MUC21: variants seen among roughly 807,000 people sequenced by gnomAD.
MUC21 encodes mucin 21, cell surface associated.
In MUC21, 8 loss-of-function variants were observed where a neutral mutation model predicts 9.1. The ratio of observed to expected loss-of-function variants is 0.88; its 90% CI spans 0.52 to 1.59. MUC21 has a LOEUF of 1.59. Ranked by LOEUF, MUC21 falls within the 40% of genes most tolerant of loss-of-function variation. The pLI, the probability that MUC21 is intolerant of heterozygous loss-of-function variation, is 0.00. For synonymous variants in MUC21, 189 were observed against 275.2 expected (o/e 0.69, Z 3.10); for missense variants, 478 against 694.2 (o/e 0.69, Z 3.50).
rs143061416 is a variant in MUC21, at chr6:30,986,862, G to C, written c.687G>C (p.Glu229Asp). ...GGGCTGGCACAGCCACCAACTCTGA[G>C]TCCAGCACGACCTCCAGTGGGGCCA... Reference protein sequence around the residue: ...SNGAGTATNSESSTTSSGAST... With the variant: ...SNGAGTATNSDSSTTSSGAST... The change falls in exon 2 of 3, where the codon GAG (glutamate) becomes GAC (aspartate). Residue 229 changes from glutamate to aspartate, a missense_variant. Glu to Asp is a conservative substitution (Grantham distance 45). Around this residue, in one of 5 missense-constraint regions of MUC21, gnomAD observed 155 missense variants for 235.2 expected, o/e 0.66. Coordinates refer to ENST00000376296, the MANE Select transcript of MUC21 (RefSeq NM_001010909.5). 226 of 1,576,882 alleles carry C rather than the reference G, an allele frequency of 1.4e-4. No individual in the cohort carries two copies. The African/African-American group carries it at 2.0e-3, about 14-fold the overall frequency.
Position 30,988,152 on chromosome 6 carries a change from C to A in MUC21, c.1659C>A (p.Ser553=), listed in dbSNP as rs2517416. The change falls in exon 3 of 3, where the codon TCC becomes TCA. Residue 553 remains serine (S), a synonymous_variant. Coordinates refer to ENST00000376296, the MANE Select transcript of MUC21 (RefSeq NM_001010909.5). ...SPNWFWRRPV[S]SIAMEMSGRN... ...ACTGGTTCTGGAGGAGACCAGTATC[C>A]TCGATAGCCATGGAGATGAGCGGGA... The A allele has an allele frequency of 0.14, 222,378 of 1,612,466 alleles. 16,160 individuals are homozygous for A. The highest frequency in any genetic ancestry group is 0.19 in the Admixed American group (11,259 of 59,972).
At position 30,989,129 on chromosome 6, in the gene MUC21, T is replaced by C. The variant is rs993954249; in HGVS notation, c.*935T>C. On this transcript the variant is annotated 3_prime_UTR_variant, in exon 3 of 3. Transcript: ENST00000376296. The stretch of plus-strand genomic sequence containing the variant: ...AGCCCACAAGGTAATGGAGGGCTCC[T>C]ACTTGGGACAGAGCCCTCAGCAGAG... 1 of 152,226 alleles carries C rather than the reference T, an allele frequency of 6.6e-6. No individual in the cohort carries two copies. Among genetic ancestry groups the C allele is most frequent in the Admixed American group, 6.5e-5 (1 of 15,286 alleles). 9.4% of individuals were successfully genotyped at this position (152,226 alleles called of 1,614,324 possible).
Position 30,988,024 on chromosome 6 carries a change from A to G in MUC21, c.1531A>G (p.Thr511Ala), listed in dbSNP as rs751951694. The change falls in exon 3 of 3, where the codon ACC becomes GCC. Residue 511 changes from threonine (T) to alanine (A), a missense_variant. Transcript: ENST00000376296. ...GAGAAACAGCCTGTCCCTGAGAAAC[A>G]CCTTTAACACAGCTGTCTACCACCC... Reference protein sequence around the residue: ...CVRNSLSLRNTFNTAVYHPHG... With the variant: ...CVRNSLSLRNAFNTAVYHPHG... The G allele has an allele frequency of 4.6e-6, 6 of 1,293,196 alleles. No individual in the cohort carries two copies. In the Admixed American group the frequency reaches 5.0e-5, roughly 11 times the overall value. The allele number at this position is 1,293,196 out of a possible 1,614,324, so 80.1% of individuals were successfully genotyped here.
intron 2 of MUC21, 136 bp from the exon 3 acceptor site, chr6:30,987,864 C>T: frequency 8.7e-7 from 1 of 1,143,286 alleles, no homozygotes; most frequent in Non-Finnish European, 1.2e-6. Flanking sequence ...GAAAAGGGGG[C>T]CACAGAAAGG....
rs1762459493 is a variant in MUC21 at position 30,988,023 on chromosome 6, C to G, written c.1530C>G (p.Asn510Lys). 7.8e-7 allele frequency: 1 copy of G among 1,287,216 alleles called. No individual in the cohort carries two copies. The highest frequency in any genetic ancestry group is 1.5e-5 in the African/African-American group (1 of 68,344). 79.7% of individuals were successfully genotyped at this position (1,287,216 alleles called of 1,614,324 possible). The change falls in exon 3 of 3, where the codon AAC becomes AAG. Residue 510 changes from asparagine to lysine, a missense_variant. Physicochemically the swap from Asn to Lys is moderately conservative, Grantham distance 94. This residue lies in a region of MUC21 where 158 missense variants were observed against 192.6 expected (regional missense o/e 0.82). Coordinates refer to ENST00000376296, the MANE Select transcript of MUC21 (RefSeq NM_001010909.5). ...FCVRNSLSLR[N>K]TFNTAVYHPH... ...AGAGAAACAGCCTGTCCCTGAGAAA[C>G]ACCTTTAACACAGCTGTCTACCACC...
Position 30,988,371 on chromosome 6 carries a change from TA to T in MUC21, c.*178del. On this transcript the variant is annotated 3_prime_UTR_variant, in exon 3 of 3. Coordinates refer to ENST00000376296, the MANE Select transcript of MUC21 (RefSeq NM_001010909.5). ...TTACCAGACACTGGAAAGAGAATAC[TA>T]TATTGCTCATTTAGCTAAGAAATAA... The T allele has an allele frequency of 1.7e-6, 1 of 587,446 alleles. No homozygotes were observed. The highest frequency in any genetic ancestry group is 2.4e-5 in the South Asian group (1 of 40,958). The allele number at this position is 587,446 out of a possible 1,614,324, so 36.4% of individuals were successfully genotyped here. A position where few individuals can be genotyped will look rare whatever the true frequency, so the allele number is the denominator to read the frequency against.
In MUC21 at chr6:30,988,542, G is replaced by T; in HGVS notation, c.*348G>T. The T allele has an allele frequency of 4.1e-6, 1 of 245,264 alleles. No homozygotes were observed. The highest frequency in any genetic ancestry group is 7.7e-6 in the Non-Finnish European group (1 of 130,504). The allele number at this position is 245,264 out of a possible 1,614,324, so 15.2% of individuals were successfully genotyped here. On this transcript the variant is annotated 3_prime_UTR_variant, in exon 3 of 3. Transcript: ENST00000376296. ...CAAAATCTCCACAGTAAAATCCAAA[G>T]ACCTCATTCTTATCTGTGTGTCTGC...
At position 30,987,424 on chromosome 6, in the gene MUC21, G is replaced by A. The variant is rs2508018; in HGVS notation, c.1249G>A (p.Ala417Thr). ...TGAGTCCAGCACAGTGTCCAGTGGG[G>A]CCAGCACTGCCACCAATTCTGAGTC... The part of the protein sequence containing the change: ...NSESSTVSSG[A>T]STATNSESST... Residue 417 changes from alanine (A) to threonine (T), a missense_variant, in exon 2 of 3, where the codon GCC (alanine) becomes ACC (threonine). Coordinates refer to ENST00000376296, the MANE Select transcript of MUC21 (RefSeq NM_001010909.5). 403 of 1,465,408 alleles carry A rather than the reference G, an allele frequency of 2.8e-4. 50 individuals carry two copies. Among genetic ancestry groups the A allele is most frequent in the Admixed American group, 6.3e-4 (30 of 47,852 alleles). The allele number at this position is 1,465,408 out of a possible 1,614,324, so 90.8% of individuals were successfully genotyped here. A position where few individuals can be genotyped will look rare whatever the true frequency, so the allele number is the denominator to read the frequency against.
At chr6:30,987,870 A>G (rs993898289) in intron 2 of MUC21, 130 bp from the exon 3 acceptor site, 4 of 1,117,324 alleles carry the variant, frequency 3.6e-6, no homozygotes, top group Non-Finnish European at 2.6e-6. Context: ...GGGGCCACAG[A>G]AAGGACTGGA....
Position 30,989,464 on chromosome 6 carries a change from C to A in MUC21, c.*1270C>A, listed in dbSNP as rs1269376789. On this transcript the variant is annotated 3_prime_UTR_variant, in exon 3 of 3. Coordinates refer to ENST00000376296, the MANE Select transcript of MUC21 (RefSeq NM_001010909.5). ...GTAGCTGGGACTACAGTTTCGTGTG[C>A]CACCATGCCTGGCTAATTTTTAGAA... 1 of 152,146 alleles carries A rather than the reference C, an allele frequency of 6.6e-6. No individual in the cohort carries two copies. The highest frequency in any genetic ancestry group is 2.4e-5 in the African/African-American group (1 of 41,404). 9.4% of individuals were successfully genotyped at this position (152,146 alleles called of 1,614,324 possible).
At chr6:30,987,794 T>C in intron 2 of MUC21, 113 bp downstream of exon 2, 1 of 1,487,578 alleles carries the variant, frequency 6.7e-7, no homozygotes, top group Non-Finnish European at 8.9e-7. Context: ...GGAAGGGAGA[T>C]CAGGAAAGAG....
At position 30,988,299 on chromosome 6, in the gene MUC21, T is replaced by A. The variant is rs1762477883; in HGVS notation, c.*105T>A. 12 of 1,080,736 alleles carry A rather than the reference T, an allele frequency of 1.1e-5. No homozygotes were observed. Among genetic ancestry groups the A allele is most frequent in the Non-Finnish European group, 1.6e-5 (12 of 770,552 alleles). The allele number at this position is 1,080,736 out of a possible 1,614,324, so 66.9% of individuals were successfully genotyped here. A position where few individuals can be genotyped will look rare whatever the true frequency, so the allele number is the denominator to read the frequency against. On this transcript the variant is annotated 3_prime_UTR_variant, in exon 3 of 3. Coordinates refer to ENST00000376296, the MANE Select transcript of MUC21 (RefSeq NM_001010909.5). ...CCAGGAGACCCCTCCCAGCTTTGTT[T>A]GAGATCCTGAAAATCTTGAAGAAGG...
In MUC21 at chr6:30,988,292, C is replaced by G. The variant is rs1257381008; in HGVS notation, c.*98C>G. ...ATTCATCCCAGGAGACCCCTCCCAG[C>G]TTTGTTTGAGATCCTGAAAATCTTG... On this transcript the variant is annotated 3_prime_UTR_variant, in exon 3 of 3. Coordinates refer to ENST00000376296, the MANE Select transcript of MUC21 (RefSeq NM_001010909.5). 1 of 1,181,988 alleles carries G rather than the reference C, an allele frequency of 8.5e-7. No homozygotes were observed. Among genetic ancestry groups the G allele is most frequent in the Non-Finnish European group, 1.2e-6 (1 of 860,480 alleles). The allele number at this position is 1,181,988 out of a possible 1,614,324, so 73.2% of individuals were successfully genotyped here. A position where few individuals can be genotyped will look rare whatever the true frequency, so the allele number is the denominator to read the frequency against.
chr6:30,986,208 A>T, intron 1 of MUC21, 29 bp from the exon 2 acceptor site: 1 of 1,576,992 alleles, frequency 6.3e-7, no homozygotes, highest in Non-Finnish European at 8.6e-7. Flanking sequence ...TACACACAAT[A>T]TATATTTGTC....
intron 1 of MUC21, among the ~76,000 whole-genome samples, chr6:30,984,354 A>G (rs1264988935): frequency 1.3e-5 from 2 of 152,246 alleles, no homozygotes; most frequent in Non-Finnish European, 2.9e-5. Flanking sequence ...ATTAAGAACA[A>G]GAAGAGTCGG....
Position 30,986,403 on chromosome 6 carries a change from C to T in MUC21, c.228C>T (p.Thr76=). 6.2e-7 allele frequency: 1 copy of T among 1,612,908 alleles called. No homozygotes were observed. The highest frequency in any genetic ancestry group is 2.2e-5 in the East Asian group (1 of 44,710). ...CCTCCAATGGGGTCAGCATAGTCAC[C>T]AACTCTGAGTTCCATACAACCTCCA... The part of the protein sequence containing the change: ...SVTSNGVSIV[T]NSEFHTTSSG... Residue 76 remains threonine (T), a synonymous_variant, in exon 2 of 3, where the codon ACC becomes ACT. Transcript: ENST00000376296.
chr6:30,985,420 T>A (rs1046496353), intron 1 of MUC21, among the ~76,000 whole-genome samples: 9 of 152,234 alleles, frequency 5.9e-5, no homozygotes, highest in African/African-American at 2.2e-4. Context: ...CTGGAATGAT[T>A]TGCTTAAGAA....
At position 30,983,721 on chromosome 6, in the gene MUC21, GA is replaced by G; in HGVS notation, c.-235del. On this transcript the variant is annotated 5_prime_UTR_variant, in exon 1 of 3. Coordinates refer to ENST00000376296, the MANE Select transcript of MUC21 (RefSeq NM_001010909.5). ...GCCCCTGCAGCTCTTTCACAACAGAGAAAGAGGCAACTACATTGCCTGGAGG... is the reference window on the plus strand; with the variant it reads ...GCCCCTGCAGCTCTTTCACAACAGAGAAGAGGCAACTACATTGCCTGGAGG... 1 of 461,464 alleles carries G rather than the reference GA, an allele frequency of 2.2e-6. No homozygotes were observed. Among genetic ancestry groups the G allele is most frequent in the Non-Finnish European group, 3.8e-6 (1 of 263,194 alleles). 28.6% of individuals were successfully genotyped at this position (461,464 alleles called of 1,614,324 possible).
In MUC21 at chr6:30,988,704, TAC is replaced by T. The variant is rs1269759101; in HGVS notation, c.*514_*515del. 1 of 143,608 alleles carries T rather than the reference TAC, an allele frequency of 7.0e-6. No individual in the cohort carries two copies. The highest frequency in any genetic ancestry group is 1.5e-5 in the Non-Finnish European group (1 of 67,860). 8.9% of individuals were successfully genotyped at this position (143,608 alleles called of 1,614,324 possible). A position where few individuals can be genotyped will look rare whatever the true frequency, so the allele number is the denominator to read the frequency against. ...ATGGGCTCCTGCGTGAGGCCTGTGGTACACAGAGATTAGGTTGTGATACATGA... is the reference window on the plus strand; with the variant it reads ...ATGGGCTCCTGCGTGAGGCCTGTGGTACAGAGATTAGGTTGTGATACATGA... On this transcript the variant is annotated 3_prime_UTR_variant, in exon 3 of 3. Transcript: ENST00000376296.
Sources: allele counts gnomAD v4.1 joint callset (sites outside exome capture counted in the v4.1 genomes callset), GRCh38; gene constraint gnomAD v4.1.1; regional missense constraint gnomAD v4.1.1; transcripts MANE v1.5; gene names NCBI Gene and HGNC (gene_info 2026-07-23, HGNC 2026-07-21).